Variants in ERI1 observed in about 807,000 individuals in gnomAD.
ERI1 encodes the protein 3'-5' exoribonuclease 1.
In ERI1, 39 loss-of-function variants were observed where a neutral mutation model predicts 39.7. That is an observed-to-expected ratio of 0.98 (90% confidence interval 0.76 to 1.28). ERI1 has a LOEUF of 1.28. ERI1 is among the 50% of genes most tolerant of loss of function. The probability of loss-of-function intolerance (pLI) is 0.00; values close to 1 mark genes in which losing one functional copy is unlikely to be tolerated. For synonymous variants in ERI1, 204 were observed against 149.6 expected (o/e 1.36, Z -2.65); for missense variants, 581 against 416.9 (o/e 1.39, Z -3.43).
chr8:9,040,191 A>G (rs551279320), intron 3 of ERI1, among the ~76,000 whole-genome samples: 1 of 152,276 alleles, frequency 6.6e-6, no homozygotes, highest in East Asian at 1.9e-4. Flanking sequence ...ATTTCTTGAC[A>G]GGAGTCTTGG....
At chr8:9,018,725 C>G (rs946972806) in intron 5 of ERI1, among the ~76,000 whole-genome samples, 1 of 152,130 alleles carries the variant, frequency 6.6e-6, no homozygotes, top group South Asian at 2.1e-4. Context: ...AGCCTCTTTC[C>G]TCTCATCCCA....
chr8:9,016,337 C>G lies in ERI1; in HGVS notation c.514C>G (p.Gln172Glu). 2 of 1,601,788 alleles carry G rather than the reference C, an allele frequency of 1.2e-6. No homozygotes were observed. The highest frequency in any genetic ancestry group is 2.2e-5 in the South Asian group (2 of 89,186). The change falls in exon 4 of 7, where the codon CAG becomes GAG. Residue 172 changes from glutamine to glutamate, a missense_variant. Coordinates refer to ENST00000250263, the MANE Select transcript of ERI1 (RefSeq NM_153332.4). Reference sequence around the variant, plus strand: ...TCCCTTGCAGGAAGACACGTTTCAGCAGTATGTAAGACCAGAGATTAACAC... The same window carrying G: ...TCCCTTGCAGGAAGACACGTTTCAGGAGTATGTAAGACCAGAGATTAACAC... ...HTLEIEDTFQ[Q>E]YVRPEINTQL...
At chr8:9,040,831 C>G (rs1269625271) in intron 3 of ERI1, among the ~76,000 whole-genome samples, 1 of 152,054 alleles carries the variant, frequency 6.6e-6, no homozygotes, top group African/African-American at 2.4e-5. Context: ...GAGTGGAGCA[C>G]AAACCTGCCC....
intron 3 of ERI1, among the ~76,000 whole-genome samples, chr8:9,085,171 C>T (rs888637588): frequency 2.6e-5 from 4 of 152,030 alleles, no homozygotes; most frequent in Non-Finnish European, 4.4e-5. Flanking sequence ...CTGTGCCCAC[C>T]GCTTTTTTTG....
intron 3 of ERI1, among the ~76,000 whole-genome samples, chr8:9,078,539 G>A (rs1799275698): frequency 6.6e-6 from 1 of 152,012 alleles, no homozygotes; most frequent in African/African-American, 2.4e-5. Flanking sequence ...CTGTTGTGAG[G>A]GTGTTTTTTA....
intron 3 of ERI1, among the ~76,000 whole-genome samples, chr8:9,049,237 G>A (rs954704011): frequency 6.8e-6 from 1 of 147,282 alleles, no homozygotes; most frequent in South Asian, 2.2e-4. Context: ...TCAGGAGACT[G>A]AGGCAGGAGA....
chr8:9,095,129 A>G (rs1799836072), intron 3 of ERI1, among the ~76,000 whole-genome samples: 2 of 152,208 alleles, frequency 1.3e-5, no homozygotes, highest in African/African-American at 4.8e-5. Flanking sequence ...TGAAGACTAA[A>G]TGAGATGCTG....
chr8:9,045,198 T>C (rs185496790), intron 3 of ERI1, among the ~76,000 whole-genome samples: 1 of 136,558 alleles, frequency 7.3e-6, no homozygotes, highest in East Asian at 2.1e-4. Context: ...ATCGCGCCAC[T>C]GCACTCCAGC....
chr8:9,083,254 T>C (rs114017654), intron 3 of ERI1, among the ~76,000 whole-genome samples: 595 of 152,308 alleles, frequency 3.9e-3, no homozygotes, highest in African/African-American at 0.014. Context: ...AAAATATTAC[T>C]TCTTTTATTC....
At chr8:9,004,770 TC>T (rs60582431) in intron 1 of ERI1, among the ~76,000 whole-genome samples, 150,443 of 150,446 alleles carry the variant, frequency 1, 75,220 homozygotes, top group Middle Eastern at 1. Flanking sequence ...TACTGCAACC[TC>T]CCGCCTCCCG....
intron 3 of ERI1, among the ~76,000 whole-genome samples, chr8:9,099,183 A>G (rs1351494866): frequency 2.6e-5 from 4 of 152,182 alleles, no homozygotes; most frequent in Non-Finnish European, 5.9e-5. Context: ...AACCATCACC[A>G]GGATATGATG....
At chr8:9,051,364 G>A (rs1798350307) in intron 3 of ERI1, among the ~76,000 whole-genome samples, 1 of 151,788 alleles carries the variant, frequency 6.6e-6, no homozygotes, top group South Asian at 2.1e-4. Flanking sequence ...TTTTTAAGAA[G>A]CATGACTAAG....
At chr8:9,051,725 T>G (rs1798362684) in intron 3 of ERI1, among the ~76,000 whole-genome samples, 1 of 152,166 alleles carries the variant, frequency 6.6e-6, no homozygotes, top group South Asian at 2.1e-4. Context: ...ACCACTTCTT[T>G]AGTTTTTCTG....
intron 3 of ERI1, among the ~76,000 whole-genome samples, chr8:9,072,962 T>G (rs1457625440): frequency 2.0e-5 from 3 of 152,194 alleles, no homozygotes; most frequent in Admixed American, 2.0e-4. Context: ...ACAAAAACAT[T>G]TTGTGGTCTA....
chr8:9,084,976 C>G (rs1799480711), intron 3 of ERI1, among the ~76,000 whole-genome samples: 1 of 152,146 alleles, frequency 6.6e-6, no homozygotes, highest in South Asian at 2.1e-4. Flanking sequence ...GTAATCCCCC[C>G]TGCATCCCCC....
chr8:9,033,613 GTACTT>G (rs1265883641), downstream of ERI1, among the ~76,000 whole-genome samples: 1 of 152,226 alleles, frequency 6.6e-6, no homozygotes, highest in Non-Finnish European at 1.5e-5. Flanking sequence ...GCACTGTTAA[GTACTT>G]TACTCCATTG....
At chr8:9,010,265 G>A (rs1816520631) in intron 2 of ERI1, among the ~76,000 whole-genome samples, 1 of 152,024 alleles carries the variant, frequency 6.6e-6, no homozygotes, top group African/African-American at 2.4e-5. Flanking sequence ...AGACAACTCT[G>A]GTAAATGTAG....
intron 3 of ERI1, among the ~76,000 whole-genome samples, chr8:9,048,819 T>TA (rs1462209187): frequency 2.0e-5 from 3 of 152,048 alleles, no homozygotes; most frequent in Non-Finnish European, 2.9e-5. Flanking sequence ...TTATTATTTT[T>TA]ATTTTTAGTG....
intron 3 of ERI1, among the ~76,000 whole-genome samples, chr8:9,040,372 C>A (rs17155132): frequency 0.078 from 11,886 of 152,198 alleles, 524 homozygotes; most frequent in Middle Eastern, 0.12. Context: ...TGACTTGAGA[C>A]TTTCCGGGTG....
Sources: allele counts gnomAD v4.1 joint callset (sites outside exome capture counted in the v4.1 genomes callset), GRCh38; gene constraint gnomAD v4.1.1; transcripts MANE v1.5; gene names NCBI Gene and HGNC (gene_info 2026-07-23, HGNC 2026-07-21).